The following TLK1 variants were observed in gnomAD, a reference collection of about 807,000 sequenced individuals.
TLK1 encodes tousled like kinase 1.
In TLK1, 24 loss-of-function variants were observed where a neutral mutation model predicts 105.3. That is an observed-to-expected ratio of 0.23 (90% CI 0.17 to 0.32). The LOEUF is 0.32. Ranked by LOEUF, TLK1 falls within the 10% of genes least tolerant of loss-of-function variation. The pLI is 1.00. For missense variants in TLK1, 558 were observed against 910.5 expected (o/e 0.61, Z 4.98); for synonymous variants, 321 against 310.4 (o/e 1.03, Z -0.36).
At position 171,174,881 on chromosome 2, in the gene TLK1, A is replaced by G. The variant is rs186827755; in HGVS notation, c.-6+56264T>C. On this transcript the variant is annotated intron_variant, in intron 1 of 20. Coordinates refer to the TLK1 transcript ENST00000521943. The stretch of plus-strand genomic sequence containing the variant: ...GAGATTTAGAATATAACTTTTAGTA[A>G]TATTACCCTTAACATTTTAAATGAT... Among the ~76,000 whole-genome samples the G allele has an allele frequency of 7.9e-3, 1,198 of 152,206 alleles. 13 individuals carry two copies. The highest frequency in any genetic ancestry group is 0.011 in the Non-Finnish European group (755 of 68,002).
At chr2:171,042,782 C>T (rs1575544738) in intron 11 of TLK1, among the ~76,000 whole-genome samples, 1 of 149,230 alleles carries the variant, frequency 6.7e-6, no homozygotes, top group East Asian at 2.0e-4. Context: ...AAAGGATAAA[C>T]AGGAAATGAG....
At chr2:171,167,402 C>A (rs1301031268) in intron 1 of TLK1, among the ~76,000 whole-genome samples, 2 of 152,102 alleles carry the variant, frequency 1.3e-5, no homozygotes, top group African/African-American at 4.8e-5. Context: ...AGATGCCTAC[C>A]CTGCAATCTC....
chr2:171,006,699 C>A, intron 16 of TLK1, 56 bp from the exon 17 acceptor site: 1 of 1,600,666 alleles, frequency 6.2e-7, no homozygotes, highest in South Asian at 1.1e-5. Flanking sequence ...AATTCAGAAT[C>A]ACAATGGGGA....
chr2:171,006,877 T>C lies in TLK1; in HGVS notation c.1521A>G (p.Arg507=). ...KKENYHKHAC[R]EYRIHKELDH... ...CCAGTTCTTTGTGTATTCTATACTC[T>C]CTGCAGGCATGTCTATGAGAAGACA... is the stretch of plus-strand genomic sequence containing the variant. Residue 507 remains arginine (R), a synonymous_variant, in exon 16 of 21, where the codon AGA becomes AGG. Coordinates refer to ENST00000431350, the MANE Select transcript of TLK1 (RefSeq NM_012290.5). 3 of 1,612,720 alleles carry C rather than the reference T, an allele frequency of 1.9e-6. No homozygotes were observed. Among genetic ancestry groups the C allele is most frequent in the Non-Finnish European group, 2.5e-6 (3 of 1,179,204 alleles).
chr2:171,028,995 G>A (rs1249110731), intron 11 of TLK1, among the ~76,000 whole-genome samples: 2 of 152,172 alleles, frequency 1.3e-5, no homozygotes, highest in African/African-American at 4.8e-5. Flanking sequence ...ACTCTGGGGA[G>A]TATATTCTAG....
At chr2:171,000,200 A>G (rs930876091) in intron 18 of TLK1, among the ~76,000 whole-genome samples, 1 of 151,906 alleles carries the variant, frequency 6.6e-6, no homozygotes, top group Non-Finnish European at 1.5e-5. Flanking sequence ...ACATGGTGAA[A>G]CCCTGTCTCT....
intron 1 of TLK1, among the ~76,000 whole-genome samples, chr2:171,153,610 A>T (rs2105601292): frequency 6.6e-6 from 1 of 152,322 alleles, no homozygotes; most frequent in South Asian, 2.1e-4. Context: ...AAACTATAAT[A>T]AAAGTAGCAT....
At chr2:171,197,538 A>G (rs1693297865) in intron 1 of TLK1, among the ~76,000 whole-genome samples, 1 of 152,142 alleles carries the variant, frequency 6.6e-6, no homozygotes, top group South Asian at 2.1e-4. Context: ...CAGCACTATG[A>G]GAGGCGGAGG....
intron 12 of TLK1, among the ~76,000 whole-genome samples, chr2:171,022,086 A>AACACACACACACACACACACACAC (rs557803785): frequency 9.7e-6 from 1 of 103,010 alleles, no homozygotes; most frequent in African/African-American, 3.0e-5. Context: ...CTGGGCGAAA[A>AACACACACACACACACACACACAC]ACACACACAC....
intron 1 of TLK1, among the ~76,000 whole-genome samples, chr2:171,178,684 CG>C (rs1340042296): frequency 6.6e-6 from 1 of 152,134 alleles, no homozygotes; most frequent in Non-Finnish European, 1.5e-5. Context: ...TACAGGGAAG[CG>C]TAAGATTTTA....
chr2:170,997,626 T>C, intron 19 of TLK1, 86 bp downstream of exon 19: 2 of 715,368 alleles, frequency 2.8e-6, no homozygotes, highest in Non-Finnish European at 4.4e-6. Flanking sequence ...AAATTGACTT[T>C]AAGTTAGTGA....
At chr2:171,040,215 A>G (rs1686595627) in intron 11 of TLK1, among the ~76,000 whole-genome samples, 1 of 152,200 alleles carries the variant, frequency 6.6e-6, no homozygotes, top group African/African-American at 2.4e-5. Context: ...GAATTGAAAA[A>G]CAGATTAAAT....
In TLK1 at chr2:171,160,325, A is replaced by C. The variant is rs760214871; in HGVS notation, c.104T>G (p.Leu35Arg). The C allele has an allele frequency of 1.2e-6, 2 of 1,600,048 alleles. No homozygotes were observed. Among genetic ancestry groups the C allele is most frequent in the Non-Finnish European group, 1.7e-6 (2 of 1,174,630 alleles). The change falls in exon 1 of 21, where the codon CTG becomes CGG. Residue 35 changes from leucine (L) to arginine (R), a missense_variant. Around this residue, in one of 5 missense-constraint regions of TLK1, gnomAD observed 104 missense variants for 116.0 expected, o/e 0.90. Coordinates refer to ENST00000431350, the MANE Select transcript of TLK1 (RefSeq NM_012290.5). This position sits in a 1 kb window ranked among gnomAD's most constrained non-coding sequence, Gnocchi z 4.4. Reference protein sequence around the residue: ...PGSAAAARSLLNHTPPSGRPR... With the variant: ...PGSAAAARSLRNHTPPSGRPR... The stretch of plus-strand genomic sequence containing the variant: ...CCTCCCGGATGGCGGCGTGTGATTC[A>C]GCAGGGACCTGGCCGCCGCCGCCGA...
intron 3 of TLK1, among the ~76,000 whole-genome samples, chr2:171,079,498 C>A (rs1490450955): frequency 6.6e-6 from 1 of 152,174 alleles, no homozygotes; most frequent in Non-Finnish European, 1.5e-5. Flanking sequence ...TGGGCAGAGA[C>A]TAAAAGTTAA....
chr2:171,006,797 T>C lies in TLK1; in HGVS notation c.1598+3A>G, dbSNP rs754358289. 2.5e-6 allele frequency: 4 copies of C among 1,611,092 alleles called. No individual in the cohort carries two copies. The African/African-American group carries it at 5.3e-5, about 22-fold the overall frequency. On this transcript the variant is annotated splice_donor_region_variant and intron_variant, in intron 16 of 20. Coordinates refer to ENST00000431350, the MANE Select transcript of TLK1 (RefSeq NM_012290.5). ...TAAAAATTGAACCTTAATATTCACT[T>C]ACGTATCTGTATCCAAGGAGAAATA...
chr2:171,136,656 G>A (rs747792247), intron 1 of TLK1, among the ~76,000 whole-genome samples: 2 of 152,230 alleles, frequency 1.3e-5, no homozygotes, highest in Non-Finnish European at 2.9e-5. Flanking sequence ...AAAAAAAATG[G>A]CTAAAATGTT....
At chr2:171,016,991 G>A (rs1463845692) in intron 12 of TLK1, among the ~76,000 whole-genome samples, 2 of 152,054 alleles carry the variant, frequency 1.3e-5, no homozygotes, top group Non-Finnish European at 2.9e-5. Flanking sequence ...TAATTTAACT[G>A]AAATTTCCTC....
chr2:171,230,027 G>GT (rs1272993521), intron 1 of TLK1, among the ~76,000 whole-genome samples: 1 of 149,182 alleles, frequency 6.7e-6, no homozygotes. Flanking sequence ...GCAAATTACA[G>GT]TAAAAAAAAA....
At chr2:171,182,935 A>AAAAGAAAGAAAGAAAGAAAGAAAGAAAG (rs750018547) in intron 1 of TLK1, among the ~76,000 whole-genome samples, 194 of 128,776 alleles carry the variant, frequency 1.5e-3, no homozygotes, top group African/African-American at 5.0e-3. Flanking sequence ...AAAAAAAAAA[A>AAAAGAAAGAAAGAAAGAAAGAAAGAAAG]AAAGAAAGAA....
Sources: gnomAD v4.1 joint callset for allele counts (sites outside exome capture counted in the v4.1 genomes callset) on GRCh38, gnomAD v4.1.1 for gene constraint, gnomAD v4.1.1 regional missense constraint, Gnocchi (gnomAD v3.1) non-coding constraint, MANE v1.5 for transcripts, NCBI Gene and HGNC (gene_info 2026-07-23, HGNC 2026-07-21) for gene names.